The following NRDE2 variants were observed in gnomAD, a reference collection of about 807,000 sequenced individuals.
NRDE2 encodes the protein nuclear exosome regulator NRDE2.
In NRDE2, 76 loss-of-function variants were observed where a neutral mutation model predicts 124.2. That is an observed-to-expected ratio of 0.61 (90% CI 0.51 to 0.74). The LOEUF (loss-of-function observed/expected upper bound fraction) is 0.74, where lower values mean the gene tolerates loss of function less well. NRDE2 is among the 30% of genes least tolerant of loss of function. The pLI is 0.00. For synonymous variants in NRDE2, 489 were observed against 528.1 expected, an observed-to-expected ratio of 0.93 and a Z score of 1.01; for missense variants, 1,314 against 1,417.3, an observed-to-expected ratio of 0.93 and a Z score of 1.17.
At chr14:90,286,309 A>C in intron 12 of NRDE2, 45 bp downstream of exon 12, 1 of 1,584,646 alleles carries the variant, frequency 6.3e-7, no homozygotes, top group Non-Finnish European at 8.6e-7. Context: ...ATGAAGGAAG[A>C]GGTAGAGCTC....
At chr14:90,323,813 G>A (rs1257787753) in intron 1 of NRDE2, among the ~76,000 whole-genome samples, 1 of 152,146 alleles carries the variant, frequency 6.6e-6, no homozygotes, top group East Asian at 1.9e-4. Flanking sequence ...GTACGTAGAA[G>A]AACTTGTATT....
Position 90,288,642 on chromosome 14 carries a change from C to T in NRDE2, c.2733G>A (p.Met911Ile), listed in dbSNP as rs368961715. 45 of 1,614,142 alleles carry T rather than the reference C, an allele frequency of 2.8e-5. No individual in the cohort carries two copies. In the African/African-American group the frequency reaches 4.4e-4, roughly 16 times the overall value. ...TCCCTATGGTCAAATACTGGAAGAG[C>T]ATGAAGCATTTAGCCAGGCTAATTA... ...SRLISLAKCFMLFQYLTIGID... is the reference protein window; with the variant it reads ...SRLISLAKCFILFQYLTIGID... Residue 911 changes from methionine (M) to isoleucine (I), a missense_variant, in exon 11 of 14, where the codon ATG becomes ATA. By Grantham distance (10) the Met-to-Ile change is conservative (BLOSUM62 1). Coordinates refer to ENST00000354366, the MANE Select transcript of NRDE2 (RefSeq NM_017970.4).
At chr14:90,330,947 T>C (rs749710935) in intron 1 of NRDE2, among the ~76,000 whole-genome samples, 1 of 152,018 alleles carries the variant, frequency 6.6e-6, no homozygotes, top group African/African-American at 2.4e-5. Context: ...CTTTTTTTTT[T>C]AGAGACAAGG....
chr14:90,324,373 C>T (rs1416239083), intron 1 of NRDE2, among the ~76,000 whole-genome samples: 1 of 151,998 alleles, frequency 6.6e-6, no homozygotes, highest in African/African-American at 2.4e-5. Flanking sequence ...CAAAGAACAG[C>T]GTTTAAGAAC....
Position 90,267,987 on chromosome 14 carries a change from G to A in NRDE2, c.*10349C>T, listed in dbSNP as rs574510127. On this transcript the variant is annotated 3_prime_UTR_variant, in exon 14 of 14. Coordinates refer to ENST00000354366, the MANE Select transcript of NRDE2 (RefSeq NM_017970.4). ...AACCAAGTAAAAAGTATTTTCTGAC[G>A]TTATCATAAGTTCAGCAAAATAGCT... is the stretch of plus-strand genomic sequence containing the variant. 1.4e-4 allele frequency: 56 copies of A among 398,084 alleles called. 1 individual carries two copies. Among genetic ancestry groups the A allele is most frequent in the South Asian group, 1.4e-4 (2 of 14,042 alleles). The allele number at this position is 398,084 out of a possible 1,614,324, so 24.7% of individuals were successfully genotyped here.
chr14:90,292,242 G>A (rs1239808675), intron 9 of NRDE2, among the ~76,000 whole-genome samples: 1 of 152,216 alleles, frequency 6.6e-6, no homozygotes, highest in African/African-American at 2.4e-5. Context: ...AGTCCCTCTT[G>A]TCTTCTAGAG....
chr14:90,270,577 A>G lies in NRDE2; in HGVS notation c.*7759T>C. The G allele has an allele frequency of 2.1e-6, 1 of 472,752 alleles. No homozygotes were observed. Among genetic ancestry groups the G allele is most frequent in the Non-Finnish European group, 3.6e-6 (1 of 279,240 alleles). The allele number at this position is 472,752 out of a possible 1,614,324, so 29.3% of individuals were successfully genotyped here. A position where few individuals can be genotyped will look rare whatever the true frequency, so the allele number is the denominator to read the frequency against. On this transcript the variant is annotated 3_prime_UTR_variant, in exon 14 of 14. Transcript: ENST00000354366. ...ATGACGCTAAATCACCTGGAGCCAC[A>G]AGGCTGAGTCGCTGGTACTAAGCCT...
intron 7 of NRDE2, 23 bp from the exon 8 acceptor site, chr14:90,298,403 G>A (rs201866730): frequency 1.1e-5 from 18 of 1,613,196 alleles, no homozygotes; most frequent in East Asian, 2.2e-5. Flanking sequence ...TAGAATGGAC[G>A]TTAGACCTCA....
At chr14:90,325,920 C>T (rs1042924289) in intron 1 of NRDE2, among the ~76,000 whole-genome samples, 2 of 152,098 alleles carry the variant, frequency 1.3e-5, no homozygotes, top group Non-Finnish European at 2.9e-5. Context: ...AGGAGTTTAA[C>T]GTTTTTTTTA....
At chr14:90,284,198 G>A (rs1892034761) in intron 12 of NRDE2, among the ~76,000 whole-genome samples, 1 of 152,050 alleles carries the variant, frequency 6.6e-6, no homozygotes, top group Non-Finnish European at 1.5e-5. Flanking sequence ...GGCATGAGTG[G>A]GGGCCCAACA....
intron 4 of NRDE2, among the ~76,000 whole-genome samples, chr14:90,308,533 GA>G (rs1461457449): frequency 6.6e-6 from 1 of 151,280 alleles, no homozygotes; most frequent in Non-Finnish European, 1.5e-5. Context: ...TGGGAGGGAG[GA>G]AAAAAAGAAA....
rs1891802273 is a variant in NRDE2, at chr14:90,276,258, GC to G, written c.*2077del. On this transcript the variant is annotated 3_prime_UTR_variant, in exon 14 of 14. Transcript: ENST00000354366. ...TTTCGAGACGGAGTCTTGCTGTGTC[GC>G]CCAGGCTGGAGTGCAGTGGCGCGAT... 8.1e-6 allele frequency: 1 copy of G among 123,162 alleles called. No homozygotes were observed. Among genetic ancestry groups the G allele is most frequent in the African/African-American group, 3.0e-5 (1 of 33,078 alleles). The allele number at this position is 123,162 out of a possible 1,614,324, so 7.6% of individuals were successfully genotyped here.
At position 90,269,465 on chromosome 14, in the gene NRDE2, A is replaced by G; in HGVS notation, c.*8871T>C. ...ATGTTGGAACTGCTGAACCAGTTGG[A>G]TGGATTTGATTCTAGGGGAGATGTG... is the stretch of plus-strand genomic sequence containing the variant. On this transcript the variant is annotated 3_prime_UTR_variant, in exon 14 of 14. Transcript: ENST00000354366. 6.2e-7 allele frequency: 1 copy of G among 1,612,982 alleles called. No individual in the cohort carries two copies. Among genetic ancestry groups the G allele is most frequent in the Non-Finnish European group, 8.5e-7 (1 of 1,179,756 alleles).
At chr14:90,287,516 G>C (rs1892141005) in intron 11 of NRDE2, among the ~76,000 whole-genome samples, 1 of 152,146 alleles carries the variant, frequency 6.6e-6, no homozygotes, top group African/African-American at 2.4e-5. Flanking sequence ...AGCTACCGGG[G>C]AGACTGAGGT....
rs998250569 is a variant in NRDE2, at chr14:90,316,763, C to T, written c.222G>A (p.Lys74=). The change falls in exon 3 of 14, where the codon AAG becomes AAA. Residue 74 remains lysine (K), a synonymous_variant. Transcript: ENST00000354366. ...TCTTTTTTCTACTTGTTTGTTTGAGCTTTTTGTTAGTGTCACTTTCATCTG... is the reference window on the plus strand; with the variant it reads ...TCTTTTTTCTACTTGTTTGTTTGAGTTTTTTGTTAGTGTCACTTTCATCTG... The part of the protein sequence containing the change: ...ESSDESDTNK[K]LKQTSRKKKK... 1 of 1,612,410 alleles carries T rather than the reference C, an allele frequency of 6.2e-7. No individual in the cohort carries two copies. The highest frequency in any genetic ancestry group is 8.5e-7 in the Non-Finnish European group (1 of 1,179,742).
At chr14:90,317,941 T>C in intron 2 of NRDE2, 64 bp downstream of exon 2, 1 of 1,185,248 alleles carries the variant, frequency 8.4e-7, no homozygotes, top group South Asian at 1.4e-5. Flanking sequence ...AGGAGCTTCA[T>C]TTCAGCTAAG....
intron 4 of NRDE2, among the ~76,000 whole-genome samples, chr14:90,305,750 A>G (rs1036941553): frequency 2.0e-5 from 3 of 152,256 alleles, no homozygotes; most frequent in Non-Finnish European, 4.4e-5. Flanking sequence ...GGAAACAAGT[A>G]AGAACGGTGA....
rs893072327 is a variant in NRDE2 at position 90,269,012 on chromosome 14, AC to A, written c.*9323del. On this transcript the variant is annotated 3_prime_UTR_variant, in exon 14 of 14. Transcript: ENST00000354366. The stretch of plus-strand genomic sequence containing the variant: ...TGCAGAGGAGACAAATGCTCAGGGG[AC>A]AAACAAAAGAGCAAAAAGGGCCTAC... 1 of 164,934 alleles carries A rather than the reference AC, an allele frequency of 6.1e-6. No individual in the cohort carries two copies. The highest frequency in any genetic ancestry group is 2.4e-5 in the African/African-American group (1 of 41,724). 10.2% of individuals were successfully genotyped at this position (164,934 alleles called of 1,614,324 possible). A position where few individuals can be genotyped will look rare whatever the true frequency, so the allele number is the denominator to read the frequency against.
At chr14:90,329,651 A>C (rs570934185) in intron 1 of NRDE2, among the ~76,000 whole-genome samples, 1 of 151,898 alleles carries the variant, frequency 6.6e-6, no homozygotes, top group African/African-American at 2.4e-5. Context: ...AGCCTGGCCA[A>C]CATGGTGAAA....
Sources: allele counts gnomAD v4.1 joint callset (sites outside exome capture counted in the v4.1 genomes callset), GRCh38; gene constraint gnomAD v4.1.1; transcripts MANE v1.5; gene names NCBI Gene and HGNC (gene_info 2026-07-23, HGNC 2026-07-21).